ZBTB1: variants seen among roughly 807,000 people sequenced by gnomAD.
ZBTB1 encodes zinc finger and BTB domain containing 1.
A neutral mutation model predicts 51.6 loss-of-function variants in ZBTB1; 13 were observed. The ratio of observed to expected loss-of-function variants is 0.25; its 90% CI spans 0.16 to 0.40. ZBTB1 has a LOEUF of 0.40. Among genes scored for constraint, ZBTB1 ranks in the 10% least tolerant of loss-of-function variants. The pLI is 1.00. For synonymous variants in ZBTB1, 240 were observed against 282.2 expected (o/e 0.85, Z 1.50); for missense variants, 567 against 856.5 (o/e 0.66, Z 4.22).
At chr14:64,516,801 A>G (rs2079791285) in intron 1 of ZBTB1, 1 of 152,236 alleles carries the variant, frequency 6.6e-6, no homozygotes, top group Non-Finnish European at 1.5e-5. Context: ...AAAATGCTAT[A>G]AGTGCTCTTA....
intron 2 of ZBTB1, chr14:64,531,777 T>C: frequency 6.4e-7 from 1 of 1,565,008 alleles, no homozygotes; most frequent in Non-Finnish European, 8.8e-7. Flanking sequence ...CAAGAAATTC[T>C]GATCTAAGAA....
chr14:64,513,317 G>C (rs1321949533), intron 1 of ZBTB1, among the ~76,000 whole-genome samples: 2 of 152,124 alleles, frequency 1.3e-5, no homozygotes, highest in African/African-American at 4.8e-5. Flanking sequence ...GCCTGGAATA[G>C]AGCCTGGCAT....
intron 1 of ZBTB1, among the ~76,000 whole-genome samples, chr14:64,517,781 A>ATTTTTTT (rs10590459): frequency 2.4e-5 from 1 of 41,562 alleles, no homozygotes; most frequent in African/African-American, 8.9e-5. Flanking sequence ...ATATATATAT[A>ATTTTTTT]TTTTTTTTTT....
intron 1 of ZBTB1, among the ~76,000 whole-genome samples, chr14:64,518,098 A>G (rs1043618876): frequency 4.6e-5 from 7 of 151,938 alleles, no homozygotes; most frequent in Non-Finnish European, 8.8e-5. Flanking sequence ...TGGCCTCCCA[A>G]AGTGCTGGGA....
At chr14:64,507,450 G>C (rs1408608923) in intron 1 of ZBTB1, among the ~76,000 whole-genome samples, 6 of 152,132 alleles carry the variant, frequency 3.9e-5, no homozygotes, top group Admixed American at 3.9e-4. Context: ...AAAAATGAAA[G>C]TCATTTTGAC....
At chr14:64,518,008 A>G (rs899971660) in intron 1 of ZBTB1, among the ~76,000 whole-genome samples, 3 of 151,138 alleles carry the variant, frequency 2.0e-5, no homozygotes, top group Admixed American at 6.6e-5. Context: ...TAATTTTTAT[A>G]TATTTTTTAG....
Position 64,519,987 on chromosome 14 carries a change from G to GGTT in ZBTB1, c.-18-1472_-18-1470dup, listed in dbSNP as rs35572100. On this transcript the variant is annotated intron_variant, in intron 1 of 1. Coordinates refer to ENST00000683701, the MANE Select transcript of ZBTB1 (RefSeq NM_001123329.2). The stretch of plus-strand genomic sequence containing the variant: ...GTGCCATTTCTATATAATCTAATAA[G>GGTT]GTTGTTGTTGTTGTTGTTGTTGTTG... 0.012 allele frequency among the ~76,000 whole-genome samples: 1,866 copies of GGTT among 150,168 alleles called. 65 individuals carry two copies. In the East Asian group the frequency reaches 0.16, roughly 13 times the overall value.
intron 1 of ZBTB1, chr14:64,518,639 T>C (rs2092539016): frequency 6.6e-6 from 1 of 152,106 alleles, no homozygotes; most frequent in South Asian, 2.1e-4. Context: ...TCTAAACAGC[T>C]TGTTACATGT....
At position 64,522,292 on chromosome 14, in the gene ZBTB1, A is replaced by G. The variant is rs895017908; in HGVS notation, c.788A>G (p.Asn263Ser). ...IVDIRDGKDS[N>S]IKAEFGEKDS... ...GATATTAGAGATGGAAAAGACAGTA[A>G]CATCAAAGCTGAATTTGGTGAAAAA... The change falls in exon 2 of 2, where the codon AAC becomes AGC. Residue 263 changes from asparagine to serine, a missense_variant. Around this residue, in one of 5 missense-constraint regions of ZBTB1, gnomAD observed 329 missense variants for 406.3 expected, o/e 0.81. Transcript: ENST00000683701. 5.6e-6 allele frequency: 9 copies of G among 1,614,218 alleles called. No homozygotes were observed. Among genetic ancestry groups the G allele is most frequent in the Non-Finnish European group, 7.6e-6 (9 of 1,180,036 alleles).
At position 64,523,657 on chromosome 14, in the gene ZBTB1, A is replaced by T. The variant is rs1461731092; in HGVS notation, c.*11A>T. ...TTGAAAAGAACCTGAGTGATTTTCTACTGTACTAATGTTTAGATGATAGCA... is the reference window on the plus strand; with the variant it reads ...TTGAAAAGAACCTGAGTGATTTTCTTCTGTACTAATGTTTAGATGATAGCA... On this transcript the variant is annotated 3_prime_UTR_variant, in exon 2 of 2. Coordinates refer to ENST00000683701, the MANE Select transcript of ZBTB1 (RefSeq NM_001123329.2). The surrounding 1 kb of genome is among the most constrained non-coding windows in gnomAD (Gnocchi z 4.5). 1 of 1,542,814 alleles carries T rather than the reference A, an allele frequency of 6.5e-7. No individual in the cohort carries two copies. Among genetic ancestry groups the T allele is most frequent in the South Asian group, 1.2e-5 (1 of 82,950 alleles).
chr14:64,519,108 T>A (rs2079830405), intron 1 of ZBTB1, among the ~76,000 whole-genome samples: 1 of 150,044 alleles, frequency 6.7e-6, no homozygotes, highest in East Asian at 2.0e-4. Flanking sequence ...ATCTGAGGTG[T>A]GTTTTTATTC....
chr14:64,504,626 C>A, upstream of ZBTB1: 1 of 305,420 alleles, frequency 3.3e-6, no homozygotes, highest in Non-Finnish European at 6.0e-6. Context: ...TAGCAGCCAG[C>A]GGCAGAGTGG....
At chr14:64,512,542 A>G (rs531016979) in intron 1 of ZBTB1, among the ~76,000 whole-genome samples, 6 of 152,328 alleles carry the variant, frequency 3.9e-5, no homozygotes, top group Non-Finnish European at 4.4e-5. Flanking sequence ...TATAAAACTA[A>G]GCCACCATTT....
downstream of ZBTB1, chr14:64,525,026 T>A (rs938827783): frequency 2.9e-5 from 22 of 757,906 alleles, no homozygotes; most frequent in East Asian, 2.6e-3. Flanking sequence ...CTCCTAATTT[T>A]AAAAATATAA....
At chr14:64,505,316 A>G (rs979055277) in intron 1 of ZBTB1, 1 of 164,146 alleles carries the variant, frequency 6.1e-6, no homozygotes, top group Admixed American at 6.4e-5. Flanking sequence ...GCTTCTCTCA[A>G]CTTACAGCTG....
At position 64,521,857 on chromosome 14, in the gene ZBTB1, A is replaced by T; in HGVS notation, c.353A>T (p.Asp118Val). The change falls in exon 2 of 2, where the codon GAT (aspartate) becomes GTT (valine). Residue 118 changes from aspartate to valine, a missense_variant. Asp to Val is a radical substitution (Grantham distance 152, BLOSUM62 -3). Around this residue, in one of 5 missense-constraint regions of ZBTB1, gnomAD observed 74 missense variants for 74.9 expected, o/e 0.99. Coordinates refer to ENST00000683701, the MANE Select transcript of ZBTB1 (RefSeq NM_001123329.2). ...NVPDCLEDIQ[D>V]ADCSSSKCSS... ...CCTGACTGTTTAGAAGACATCCAGGATGCAGATTGTTCTAGTTCAAAATGT... is the reference window on the plus strand; with the variant it reads ...CCTGACTGTTTAGAAGACATCCAGGTTGCAGATTGTTCTAGTTCAAAATGT... 6.2e-7 allele frequency: 1 copy of T among 1,613,028 alleles called. No homozygotes were observed. The highest frequency in any genetic ancestry group is 8.5e-7 in the Non-Finnish European group (1 of 1,180,042).
Position 64,504,865 on chromosome 14 carries a change from C to G in ZBTB1, c.-100C>G, listed in dbSNP as rs1006924254. On this transcript the variant is annotated 5_prime_UTR_variant, in exon 1 of 2. Coordinates refer to ENST00000683701, the MANE Select transcript of ZBTB1 (RefSeq NM_001123329.2). ...CCGCCGCCACTGCAGCTCGCGGCCC[C>G]TTCGCCTTCGCCCGCCTTTCCCGCG... The G allele has an allele frequency of 2.5e-6, 1 of 397,040 alleles. No individual in the cohort carries two copies. Among genetic ancestry groups the G allele is most frequent in the African/African-American group, 2.1e-5 (1 of 48,410 alleles). The allele number at this position is 397,040 out of a possible 1,614,324, so 24.6% of individuals were successfully genotyped here. A position where few individuals can be genotyped will look rare whatever the true frequency, so the allele number is the denominator to read the frequency against.
chr14:64,504,369 AG>A (rs1388227759), upstream of ZBTB1: 5 of 151,966 alleles, frequency 3.3e-5, no homozygotes, highest in Admixed American at 1.3e-4. Flanking sequence ...CCCAACGGGC[AG>A]GGGTCTGACA....
rs2140055092 is a variant in ZBTB1, at chr14:64,504,952, T to A, written c.-19+6T>A. On this transcript the variant is annotated splice_donor_region_variant and intron_variant, in intron 1 of 1. Transcript: ENST00000683701. Reference sequence around the variant, plus strand: ...TCTGGTTCCTGTTGCGGCCGGTAAGTATTTGCCAGTTGTGGGGCTATTTGC... The same window carrying A: ...TCTGGTTCCTGTTGCGGCCGGTAAGAATTTGCCAGTTGTGGGGCTATTTGC... 1 of 395,156 alleles carries A rather than the reference T, an allele frequency of 2.5e-6. No individual in the cohort carries two copies. The highest frequency in any genetic ancestry group is 4.5e-6 in the Non-Finnish European group (1 of 223,440). The allele number at this position is 395,156 out of a possible 1,614,324, so 24.5% of individuals were successfully genotyped here.
Sources: allele counts gnomAD v4.1 joint callset (sites outside exome capture counted in the v4.1 genomes callset), GRCh38; gene constraint gnomAD v4.1.1; regional missense constraint gnomAD v4.1.1; non-coding constraint Gnocchi (gnomAD v3.1); transcripts MANE v1.5; gene names NCBI Gene and HGNC (gene_info 2026-07-23, HGNC 2026-07-21).